NRG1: variants seen among roughly 807,000 people sequenced by gnomAD.
The protein encoded by NRG1 is neuregulin 1.
In NRG1, 18 loss-of-function variants were observed where a neutral mutation model predicts 63.8. The ratio of observed to expected loss-of-function variants is 0.28; its 90% CI spans 0.19 to 0.42. NRG1 has a LOEUF of 0.42. Ranked by LOEUF, NRG1 falls within the 10% of genes least tolerant of loss-of-function variation. The pLI is 1.00. For missense variants in NRG1, 762 were observed against 814.7 expected (o/e 0.94, Z 0.79); for synonymous variants, 302 against 301.3 (o/e 1.00, Z -0.02).
Position 32,125,234 on chromosome 8 carries a change from C to A in NRG1, c.38-470594C>A, listed in dbSNP as rs1270230502. On this transcript the variant is annotated intron_variant, in intron 1 of 10. Transcript: ENST00000519301. ...TAAATGTATATTATTTGTAGTTACC[C>A]AGTCTATGGTATTGTGTTATAGCAA... Among the ~76,000 whole-genome samples, 3 of 151,922 alleles carry A rather than the reference C, an allele frequency of 2.0e-5. No homozygotes were observed. In the East Asian group the frequency reaches 5.8e-4, roughly 29 times the overall value.
intron 1 of NRG1, among the ~76,000 whole-genome samples, chr8:31,944,242 G>A (rs1404380222): frequency 6.6e-6 from 1 of 152,204 alleles, no homozygotes; most frequent in African/African-American, 2.4e-5. Flanking sequence ...TTCAAAGAAG[G>A]AAAGTTTGTA....
intron 1 of NRG1, among the ~76,000 whole-genome samples, chr8:31,865,601 G>T (rs1338933494): frequency 6.6e-6 from 1 of 152,166 alleles, no homozygotes; most frequent in East Asian, 1.9e-4. Context: ...ACATCTGATG[G>T]TTTTTTATAA....
At chr8:32,445,959 T>G (rs2129487748) in intron 1 of NRG1, among the ~76,000 whole-genome samples, 1 of 152,252 alleles carries the variant, frequency 6.6e-6, no homozygotes, top group East Asian at 1.9e-4. Context: ...TTTTTCCTTC[T>G]ATATGGTTAA....
rs904222469 is a variant in NRG1 at position 32,376,283 on chromosome 8, C to T, written c.38-219545C>T. Among the ~76,000 whole-genome samples the T allele has an allele frequency of 5.3e-5, 8 of 152,184 alleles. No individual in the cohort carries two copies. The South Asian group carries it at 6.2e-4, about 12-fold the overall frequency. ...TGTTATCCTAGCTCAGGTCACAGAT[C>T]GCTCTGGCCATTCCCTTTTATCTGC... On this transcript the variant is annotated intron_variant, in intron 1 of 10. Coordinates refer to the NRG1 transcript ENST00000519301.
In NRG1 at chr8:32,382,934, A is replaced by G. The variant is rs539284568; in HGVS notation, c.38-212894A>G. ...TAAAAATAATATGAAAACTTGAGGT[A>G]ATGAATGCTGGGCACAGTGGCTCAC... On this transcript the variant is annotated intron_variant, in intron 1 of 10. Coordinates refer to the NRG1 transcript ENST00000519301. Among the ~76,000 whole-genome samples the G allele has an allele frequency of 1.1e-4, 17 of 152,192 alleles. No homozygotes were observed. The East Asian group carries it at 3.1e-3, about 28-fold the overall frequency.
chr8:32,213,624 A>G (rs2132411640), intron 1 of NRG1, among the ~76,000 whole-genome samples: 2 of 152,290 alleles, frequency 1.3e-5, no homozygotes, highest in East Asian at 1.9e-4. Flanking sequence ...ATTTTAAAAA[A>G]ATTTAAAAAA....
chr8:32,037,138 A>G (rs1420064826), intron 1 of NRG1, among the ~76,000 whole-genome samples: 2 of 152,016 alleles, frequency 1.3e-5, no homozygotes, highest in African/African-American at 4.8e-5. Context: ...TTTAATTGAT[A>G]TTGTTGTCCT....
chr8:31,991,550 A>T (rs1811095228), intron 1 of NRG1, among the ~76,000 whole-genome samples: 1 of 151,896 alleles, frequency 6.6e-6, no homozygotes, highest in African/African-American at 2.4e-5. Context: ...AATATATTTG[A>T]TATGAGTGCT....
intron 1 of NRG1, among the ~76,000 whole-genome samples, chr8:32,045,667 A>C (rs2130743925): frequency 6.6e-6 from 1 of 152,144 alleles, no homozygotes. Context: ...TAAATATGCC[A>C]ACTCATCTTT....
chr8:32,181,906 A>T (rs1002030531), intron 1 of NRG1, among the ~76,000 whole-genome samples: 1 of 152,220 alleles, frequency 6.6e-6, no homozygotes, highest in African/African-American at 2.4e-5. Flanking sequence ...GTGCTGGGAG[A>T]TTATAAATAA....
intron 3 of NRG1, among the ~76,000 whole-genome samples, chr8:32,611,459 A>G (rs546087456): frequency 6.6e-6 from 1 of 152,220 alleles, no homozygotes; most frequent in South Asian, 2.1e-4. Flanking sequence ...ATAACAGTCT[A>G]CATGTATATT....
intron 1 of NRG1, among the ~76,000 whole-genome samples, chr8:32,499,357 C>A (rs1827588270): frequency 6.6e-6 from 1 of 152,112 alleles, no homozygotes; most frequent in African/African-American, 2.4e-5. Context: ...GTTTTTGAGT[C>A]CAGAAGGCAG....
At chr8:32,316,837 A>C (rs888402345) in intron 1 of NRG1, among the ~76,000 whole-genome samples, 14 of 152,228 alleles carry the variant, frequency 9.2e-5, no homozygotes, top group African/African-American at 3.4e-4. Context: ...AAAACACATT[A>C]GGAAATTTAA....
chr8:31,988,424 C>T (rs1810462345), intron 1 of NRG1, among the ~76,000 whole-genome samples: 1 of 152,060 alleles, frequency 6.6e-6, no homozygotes, highest in African/African-American at 2.4e-5. Flanking sequence ...CCCAGTTGAC[C>T]ATGGATCCAA....
At chr8:32,209,059 T>C (rs1053650053) in intron 1 of NRG1, among the ~76,000 whole-genome samples, 1 of 152,140 alleles carries the variant, frequency 6.6e-6, no homozygotes, top group African/African-American at 2.4e-5. Flanking sequence ...TTACTAGCAA[T>C]ATAATTTCAG....
In NRG1 at chr8:32,040,743, TTAGGCGCATATATATATATATA is replaced by T. The variant is rs1563713414; in HGVS notation, c.37+401315_37+401336del. The stretch of plus-strand genomic sequence containing the variant: ...ATATATATATATATATATATGAAAT[TTAGGCGCATATATATATATATA>T]TATGCGCCTAAATTTCAGCACTAAA... On this transcript the variant is annotated intron_variant, in intron 1 of 10. Coordinates refer to the NRG1 transcript ENST00000519301. 3.1e-3 allele frequency among the ~76,000 whole-genome samples: 28 copies of T among 8,984 alleles called. 1 individual carries two copies. The Admixed American group carries it at 0.054, about 17-fold the overall frequency. The allele number at this position is 8,984 out of a possible 152,430, so 5.9% of individuals were successfully genotyped here. A position where few individuals can be genotyped will look rare whatever the true frequency, so the allele number is the denominator to read the frequency against.
intron 1 of NRG1, among the ~76,000 whole-genome samples, chr8:31,825,175 G>A (rs371922176): frequency 7.2e-5 from 11 of 152,134 alleles, no homozygotes; most frequent in African/African-American, 2.7e-4. Context: ...CAATCATGAG[G>A]TCAAGAGATG....
intron 1 of NRG1, among the ~76,000 whole-genome samples, chr8:31,839,339 T>C (rs1825974841): frequency 6.6e-6 from 1 of 152,184 alleles, no homozygotes; most frequent in Admixed American, 6.5e-5. Flanking sequence ...GAGCAAAGTG[T>C]CAAGTAATGA....
At chr8:31,839,372 T>C in intron 1 of NRG1, among the ~76,000 whole-genome samples, 1 of 152,192 alleles carries the variant, frequency 6.6e-6, no homozygotes, top group Non-Finnish European at 1.5e-5. Flanking sequence ...GAGCCACAAA[T>C]AAACAGAAAA....
Sources: gnomAD v4.1 joint callset for allele counts (sites outside exome capture counted in the v4.1 genomes callset) on GRCh38, gnomAD v4.1.1 for gene constraint, MANE v1.5 for transcripts, NCBI Gene and HGNC (gene_info 2026-07-23, HGNC 2026-07-21) for gene names.